Variants in AP4E1 observed in about 807,000 individuals in gnomAD.
AP4E1 encodes the protein adaptor related protein complex 4 subunit epsilon 1, also known as AP-4 complex subunit epsilon-1.
In AP4E1, 56 loss-of-function variants were observed where a neutral mutation model predicts 128.2. The observed-to-expected ratio is 0.44, with a 90% CI of 0.35 to 0.55. The LOEUF (loss-of-function observed/expected upper bound fraction) is 0.55. AP4E1 is among the 20% of genes least tolerant of loss of function. The probability of loss-of-function intolerance (pLI) is 0.00; values close to 1 mark genes in which losing one functional copy is unlikely to be tolerated. For synonymous variants in AP4E1, 484 were observed against 473.1 expected, an observed-to-expected ratio of 1.02 and a Z score of -0.30; for missense variants, 1,324 against 1,307.7, an observed-to-expected ratio of 1.01 and a Z score of -0.19.
chr15:50,929,576 T>C (rs557889824), intron 6 of AP4E1, among the ~76,000 whole-genome samples: 18 of 152,276 alleles, frequency 1.2e-4, no homozygotes, highest in African/African-American at 4.3e-4. Context: ...TAATTCTGTA[T>C]CATATGAGGA....
At chr15:50,958,937 T>A in intron 14 of AP4E1, 143 bp downstream of exon 14, 1 of 912,564 alleles carries the variant, frequency 1.1e-6, no homozygotes, top group Non-Finnish European at 1.7e-6. Flanking sequence ...TTCACATTAG[T>A]ATGACAGGGA....
chr15:50,981,012 G>A (rs1216524514), intron 15 of AP4E1, among the ~76,000 whole-genome samples: 1 of 152,168 alleles, frequency 6.6e-6, no homozygotes, highest in African/African-American at 2.4e-5. Flanking sequence ...CTAGGGCAAT[G>A]CTGAGCAGAA....
At chr15:50,934,080 A>T (rs1220823374) in intron 7 of AP4E1, among the ~76,000 whole-genome samples, 2 of 152,060 alleles carry the variant, frequency 1.3e-5, no homozygotes, top group South Asian at 2.1e-4. Context: ...TACTGTAATC[A>T]GTGACCATAA....
intron 16 of AP4E1, among the ~76,000 whole-genome samples, chr15:50,991,683 A>G (rs1437135481): frequency 6.6e-6 from 1 of 152,122 alleles, no homozygotes; most frequent in Admixed American, 6.5e-5. Flanking sequence ...TTTTATTAAC[A>G]TTCAGATTTT....
rs763828975 is a variant in AP4E1 at position 50,997,340 on chromosome 15, T to A, written c.2361T>A (p.Asp787Glu). Residue 787 changes from aspartate (D) to glutamate (E), a missense_variant, in exon 18 of 21, where the codon GAT (aspartate) becomes GAA (glutamate). Asp to Glu is a conservative substitution (Grantham distance 45). Transcript: ENST00000261842. ...ESTINLLGKA[D>E]TVSHKFRRKS... ...TATTTTTGCAGCTGGGAAAAGCAGA[T>A]ACTGTCTCTCACAAGTTCAGAAGGA... 6.3e-7 allele frequency: 1 copy of A among 1,598,470 alleles called. No homozygotes were observed. Among genetic ancestry groups the A allele is most frequent in the Non-Finnish European group, 8.5e-7 (1 of 1,176,116 alleles).
intron 17 of AP4E1, 71 bp from the exon 18 acceptor site, chr15:50,997,255 A>G (rs1181439815): frequency 3.0e-6 from 4 of 1,320,978 alleles, no homozygotes; most frequent in South Asian, 3.2e-5. Context: ...ATTTGAAATT[A>G]TAGATGAATG....
chr15:50,929,149 T>C lies in AP4E1; in HGVS notation c.683T>C (p.Ile228Thr). 4 of 1,613,832 alleles carry C rather than the reference T, an allele frequency of 2.5e-6. No individual in the cohort carries two copies. The highest frequency in any genetic ancestry group is 3.4e-6 in the Non-Finnish European group (4 of 1,179,886). ...DVGVMAASLH[I>T]YLRMIKENSS... ...GGGGTCATGGCTGCCTCCTTGCATA[T>C]ATATCTTAGAATGATTAAGGTAAGT... The change falls in exon 6 of 21, where the codon ATA becomes ACA. Residue 228 changes from isoleucine to threonine, a missense_variant. Ile to Thr is a moderately conservative substitution (Grantham distance 89, BLOSUM62 -1). Transcript: ENST00000261842.
chr15:50,920,075 TAAAAAAAAAAA>T (rs759743982), intron 3 of AP4E1, among the ~76,000 whole-genome samples: 1 of 88,178 alleles, frequency 1.1e-5, no homozygotes, highest in Non-Finnish European at 2.1e-5. Flanking sequence ...ATAATATGTC[TAAAAAAAAAAA>T]AAAAAAAAAG....
intron 10 of AP4E1, among the ~76,000 whole-genome samples, chr15:50,942,073 C>T (rs569851358): frequency 3.9e-5 from 6 of 152,118 alleles, no homozygotes; most frequent in South Asian, 2.1e-4. Flanking sequence ...TGTGCCACCA[C>T]GCGTGGCTAA....
In AP4E1 at chr15:50,965,424, A is replaced by T. The variant is rs540808441; in HGVS notation, c.1852-2839A>T. Among the ~76,000 whole-genome samples, 7 of 152,356 alleles carry T rather than the reference A, an allele frequency of 4.6e-5. No homozygotes were observed. In the East Asian group the frequency reaches 1.4e-3, roughly 29 times the overall value. On this transcript the variant is annotated intron_variant, in intron 14 of 20. Transcript: ENST00000261842. ...GGGCCTCCAAAGATGGCATGTGCAC[A>T]TGCTGGTGGTGGCAGCAGTGGGGTG...
At chr15:51,000,223 C>A (rs914507708) in intron 19 of AP4E1, among the ~76,000 whole-genome samples, 20 of 148,966 alleles carry the variant, frequency 1.3e-4, no homozygotes, top group African/African-American at 5.0e-4. Context: ...CTCACTGTAG[C>A]CTCGACCTCC....
chr15:50,942,562 TGGAA>T (rs1412194924), intron 10 of AP4E1, among the ~76,000 whole-genome samples: 2 of 150,922 alleles, frequency 1.3e-5, no homozygotes, highest in Non-Finnish European at 3.0e-5. Flanking sequence ...TTGAACTTCT[TGGAA>T]GGAAAGGCTT....
intron 16 of AP4E1, among the ~76,000 whole-genome samples, chr15:50,991,162 A>C (rs1441365877): frequency 6.6e-6 from 1 of 152,196 alleles, no homozygotes; most frequent in Non-Finnish European, 1.5e-5. Context: ...TCTGCAGCTC[A>C]GGCAATCCCT....
intron 3 of AP4E1, among the ~76,000 whole-genome samples, chr15:50,920,368 C>G (rs569063931): frequency 6.6e-6 from 1 of 151,570 alleles, no homozygotes; most frequent in Admixed American, 6.6e-5. Flanking sequence ...CCGCCTCAGC[C>G]TCCCAAAGTG....
At chr15:50,995,399 C>CTTTT in intron 17 of AP4E1, among the ~76,000 whole-genome samples, 1 of 136,764 alleles carries the variant, frequency 7.3e-6, no homozygotes. Flanking sequence ...ATTTCACCTT[C>CTTTT]TTTTTTTTTT....
rs780470892 is a variant in AP4E1, at chr15:50,930,798, G to C, written c.703-7G>C. 6.2e-7 allele frequency: 1 copy of C among 1,613,248 alleles called. No homozygotes were observed. Among genetic ancestry groups the C allele is most frequent in the Non-Finnish European group, 8.5e-7 (1 of 1,179,744 alleles). On this transcript the variant is annotated splice_region_variant and splice_polypyrimidine_tract_variant and intron_variant, in intron 6 of 20. Transcript: ENST00000261842. ...ATTAACAAAGTTTTTTTTGCGGGGGGATGTAGGAGAATTCATCTGGATATA... is the reference window on the plus strand; with the variant it reads ...ATTAACAAAGTTTTTTTTGCGGGGGCATGTAGGAGAATTCATCTGGATATA...
chr15:50,940,129 T>C (rs8030214), intron 8 of AP4E1, among the ~76,000 whole-genome samples: 92,079 of 151,966 alleles, frequency 0.61, 28,081 homozygotes, highest in Non-Finnish European at 0.63. Flanking sequence ...TGACTAAGGT[T>C]CTCTTTGTTT....
chr15:50,978,121 T>C (rs946792831), intron 15 of AP4E1, among the ~76,000 whole-genome samples: 9 of 152,136 alleles, frequency 5.9e-5, no homozygotes, highest in Non-Finnish European at 1.0e-4. Context: ...TGAATAAACT[T>C]CAGGAAAATA....
chr15:50,995,682 G>A (rs1273730611), intron 17 of AP4E1, among the ~76,000 whole-genome samples: 5 of 151,812 alleles, frequency 3.3e-5, no homozygotes, highest in East Asian at 1.9e-4. Flanking sequence ...CGCCATGCCC[G>A]GCCTCACCTT....
Sources: gnomAD v4.1 joint callset for allele counts (sites outside exome capture counted in the v4.1 genomes callset) on GRCh38, gnomAD v4.1.1 for gene constraint, MANE v1.5 for transcripts, NCBI Gene and HGNC (gene_info 2026-07-23, HGNC 2026-07-21) for gene names.